SLIT2: variants seen among roughly 807,000 people sequenced by gnomAD.
SLIT2 encodes slit guidance ligand 2, also known as slit homolog 2 protein.
A neutral mutation model predicts 185.7 loss-of-function variants in SLIT2; 41 were observed. The ratio of observed to expected loss-of-function variants is 0.22; its 90% CI spans 0.17 to 0.29. SLIT2 has a LOEUF of 0.29. Among genes scored for constraint, SLIT2 ranks in the 10% least tolerant of loss-of-function variants. SLIT2 has a pLI of 1.00. For synonymous variants in SLIT2, 693 were observed against 680.2 expected, an observed-to-expected ratio of 1.02 and a Z score of -0.29; for missense variants, 1,571 against 1,909.0, an observed-to-expected ratio of 0.82 and a Z score of 3.30.
chr4:20,345,306 A>G (rs542736153), intron 4 of SLIT2, among the ~76,000 whole-genome samples: 1 of 152,138 alleles, frequency 6.6e-6, no homozygotes, highest in Admixed American at 6.5e-5. Context: ...TTTTATCCAC[A>G]TCTCCTTGAA....
At chr4:20,583,359 G>A (rs571200113) in intron 29 of SLIT2, among the ~76,000 whole-genome samples, 55 of 152,292 alleles carry the variant, frequency 3.6e-4, no homozygotes, top group Middle Eastern at 3.4e-3. Context: ...AGATCATTCT[G>A]TAAGTATCAG....
intron 4 of SLIT2, among the ~76,000 whole-genome samples, chr4:20,388,979 T>C (rs1044641829): frequency 1.4e-5 from 2 of 147,282 alleles, no homozygotes; most frequent in African/African-American, 5.0e-5. Context: ...TGTCAAAATA[T>C]ATATATGTAT....
intron 4 of SLIT2, among the ~76,000 whole-genome samples, chr4:20,458,450 G>A (rs1560440033): frequency 6.6e-6 from 1 of 152,148 alleles, no homozygotes; most frequent in African/African-American, 2.4e-5. Context: ...AAGACCATGG[G>A]CATAACAGTT....
chr4:20,394,991 A>G (rs1323039363), intron 4 of SLIT2: 1 of 151,970 alleles, frequency 6.6e-6, no homozygotes, highest in African/African-American at 2.4e-5. Context: ...TTGGACAGTA[A>G]GCCGTGATGA....
intron 3 of SLIT2, among the ~76,000 whole-genome samples, chr4:20,263,683 C>G (rs1712734583): frequency 2.6e-5 from 4 of 151,782 alleles, no homozygotes; most frequent in Admixed American, 2.6e-4. Flanking sequence ...TCTTGATCAC[C>G]TTGCTTCATC....
At chr4:20,568,110 G>A (rs913596991) in intron 28 of SLIT2, among the ~76,000 whole-genome samples, 1 of 151,974 alleles carries the variant, frequency 6.6e-6, no homozygotes, top group Non-Finnish European at 1.5e-5. Context: ...TTAATCATAT[G>A]GTACAATTAC....
intron 4 of SLIT2, among the ~76,000 whole-genome samples, chr4:20,342,804 G>A (rs1031199351): frequency 6.9e-5 from 10 of 145,122 alleles, no homozygotes; most frequent in Non-Finnish European, 1.3e-4. Context: ...GCAACAGCAG[G>A]GTTGACTAGC....
At chr4:20,413,144 T>A (rs1727384349) in intron 4 of SLIT2, among the ~76,000 whole-genome samples, 1 of 152,062 alleles carries the variant, frequency 6.6e-6, no homozygotes, top group Non-Finnish European at 1.5e-5. Flanking sequence ...AAGTGCTGCA[T>A]CCAGTGTTTT....
chr4:20,586,914 T>C (rs578103638), intron 29 of SLIT2, among the ~76,000 whole-genome samples: 2 of 152,254 alleles, frequency 1.3e-5, no homozygotes, highest in South Asian at 2.1e-4. Context: ...CCAGGTGATA[T>C]GAATGTCGGG....
intron 4 of SLIT2, among the ~76,000 whole-genome samples, chr4:20,307,135 CCT>C (rs1486357386): frequency 7.5e-5 from 2 of 26,830 alleles, no homozygotes; most frequent in African/African-American, 4.3e-4. Flanking sequence ...TCCCTCCCTT[CCT>C]CCCTCCCTCC....
chr4:20,342,136 T>C (rs576191403), intron 4 of SLIT2, among the ~76,000 whole-genome samples: 9 of 152,296 alleles, frequency 5.9e-5, no homozygotes, highest in South Asian at 4.1e-4. Context: ...CCATTTATTA[T>C]TACTAGTTAA....
At chr4:20,553,992 T>G (rs1251931170) in intron 26 of SLIT2, 24 bp downstream of exon 26, 1 of 1,544,822 alleles carries the variant, frequency 6.5e-7, no homozygotes, top group Non-Finnish European at 8.7e-7. Context: ...TCATTTGTAT[T>G]TCTTTTAAGA....
intron 7 of SLIT2, among the ~76,000 whole-genome samples, chr4:20,488,463 G>A (rs1717463557): frequency 6.6e-6 from 1 of 151,880 alleles, no homozygotes; most frequent in South Asian, 2.1e-4. Flanking sequence ...CTTGCCCCTC[G>A]CCCAGTCTCC....
At chr4:20,435,536 T>G (rs1208511782) in intron 4 of SLIT2, among the ~76,000 whole-genome samples, 2 of 152,168 alleles carry the variant, frequency 1.3e-5, no homozygotes, top group Non-Finnish European at 2.9e-5. Context: ...GGACTAAACA[T>G]CATGGACTGG....
intron 31 of SLIT2, 93 bp downstream of exon 31, chr4:20,595,927 A>G (rs1727945541): frequency 1.8e-6 from 2 of 1,107,484 alleles, no homozygotes; most frequent in South Asian, 1.5e-5. Context: ...ACATTTTAAA[A>G]TAACTAAAAG....
intron 4 of SLIT2, among the ~76,000 whole-genome samples, chr4:20,466,750 A>G (rs1714397645): frequency 6.6e-6 from 1 of 152,128 alleles, no homozygotes; most frequent in Non-Finnish European, 1.5e-5. Context: ...TTCATCTGAT[A>G]TGCACCTGTG....
intron 4 of SLIT2, among the ~76,000 whole-genome samples, chr4:20,380,356 A>G (rs1724395671): frequency 6.6e-6 from 1 of 152,188 alleles, no homozygotes; most frequent in Non-Finnish European, 1.5e-5. Flanking sequence ...TCCCCAAACC[A>G]ACATTGTACA....
intron 29 of SLIT2, chr4:20,573,382 A>G: frequency 1.5e-6 from 1 of 686,082 alleles, no homozygotes. Context: ...AAAATCTGAA[A>G]ACAATATGCC....
chr4:20,349,816 T>C (rs1721719329), intron 4 of SLIT2, among the ~76,000 whole-genome samples: 2 of 152,202 alleles, frequency 1.3e-5, no homozygotes. Context: ...AGCACAAAGG[T>C]TGGATTCCTT....
Sources: gnomAD v4.1 joint callset for allele counts (sites outside exome capture counted in the v4.1 genomes callset) on GRCh38, gnomAD v4.1.1 for gene constraint, MANE v1.5 for transcripts, NCBI Gene and HGNC (gene_info 2026-07-23, HGNC 2026-07-21) for gene names.